SYNE2: variants seen among roughly 807,000 people sequenced by gnomAD.
SYNE2 encodes the protein nesprin-2.
Under a neutral mutation model 856.3 loss-of-function variants are expected in SYNE2, and 431 were observed. The observed-to-expected ratio is 0.50, with a 90% CI of 0.47 to 0.55. The LOEUF (loss-of-function observed/expected upper bound fraction) is 0.55, where lower values mean the gene tolerates loss of function less well. Among genes scored for constraint, SYNE2 ranks in the 20% least tolerant of loss-of-function variants. The pLI is 0.00. For synonymous variants in SYNE2, 2,923 were observed against 2,872.3 expected (o/e 1.02, Z -0.56); for missense variants, 8,129 against 8,023.2 (o/e 1.01, Z -0.50).
At chr14:63,948,672 A>ATT (rs2096075307) in intron 6 of SYNE2, among the ~76,000 whole-genome samples, 5 of 144,536 alleles carry the variant, frequency 3.5e-5, no homozygotes, top group Admixed American at 6.9e-5. Context: ...AAAAAAAAAA[A>ATT]ATTATATATA....
At chr14:63,978,072 CT>C in intron 13 of SYNE2, 55 bp downstream of exon 13, 1 of 1,134,284 alleles carries the variant, frequency 8.8e-7, no homozygotes, top group Non-Finnish European at 1.3e-6. Flanking sequence ...TGAGTAACAA[CT>C]GATACTACAG....
intron 1 of SYNE2, among the ~76,000 whole-genome samples, chr14:63,785,090 A>G (rs139499089): frequency 1.0e-3 from 153 of 152,252 alleles, no homozygotes; most frequent in African/African-American, 3.5e-3. Flanking sequence ...CTATTCCTCA[A>G]ATGTTTTATT....
Position 64,162,091 on chromosome 14 carries a change from G to C in SYNE2, c.16114G>C (p.Ala5372Pro). The C allele has an allele frequency of 6.2e-7, 1 of 1,614,208 alleles. No homozygotes were observed. The highest frequency in any genetic ancestry group is 8.5e-7 in the Non-Finnish European group (1 of 1,180,032). Reference protein sequence around the residue: ...THKRWTQVNQAIADQLQKAQS... With the variant: ...THKRWTQVNQPIADQLQKAQS... ...TGACAGGTGGACTCAGGTGAACCAA[G>C]CCATTGCAGACCAGTTGCAGAAGGC... Residue 5372 changes from alanine (A) to proline (P), a missense_variant, in exon 88 of 116, where the codon GCC becomes CCC. By Grantham distance (27) the Ala-to-Pro change is conservative. Transcript: ENST00000555002.
chr14:63,941,838 T>C, intron 4 of SYNE2, 47 bp from the exon 5 acceptor site: 1 of 1,611,734 alleles, frequency 6.2e-7, no homozygotes, highest in South Asian at 1.1e-5. Flanking sequence ...ACTTAAAAAA[T>C]ATGTATTTCA....
At chr14:63,845,540 G>T (rs1485470849) in intron 1 of SYNE2, among the ~76,000 whole-genome samples, 3 of 151,486 alleles carry the variant, frequency 2.0e-5, no homozygotes, top group African/African-American at 7.3e-5. Context: ...TGATTAATTA[G>T]TGGTCTGTCA....
chr14:64,137,238 C>T (rs527801495), intron 78 of SYNE2, among the ~76,000 whole-genome samples: 18 of 152,250 alleles, frequency 1.2e-4, no homozygotes, highest in East Asian at 1.9e-4. Context: ...CTCGCTCTGT[C>T]GCTCAGGCTG....
At position 64,139,875 on chromosome 14, in the gene SYNE2, T is replaced by C. The variant is rs537933988; in HGVS notation, c.14844-66T>C. 1.6e-4 allele frequency: 240 copies of C among 1,546,194 alleles called. 1 individual carries two copies. The highest frequency in any genetic ancestry group is 8.5e-4 in the Middle Eastern group (5 of 5,882). ...CATACAATAAAATAAGAAAATTTGC[T>C]GGTGATGCATATCATTATCAGAATA... On this transcript the variant is annotated intron_variant, in intron 79 of 115. Transcript: ENST00000555002.
chr14:63,771,162 C>A (rs1408058970), intron 1 of SYNE2, among the ~76,000 whole-genome samples: 1 of 151,400 alleles, frequency 6.6e-6, no homozygotes, highest in Non-Finnish European at 1.5e-5. Context: ...CTCCGCCTCC[C>A]GGGTTCACGC....
intron 1 of SYNE2, among the ~76,000 whole-genome samples, chr14:63,783,949 G>A (rs1257286780): frequency 6.6e-6 from 1 of 152,156 alleles, no homozygotes; most frequent in Non-Finnish European, 1.5e-5. Flanking sequence ...TTAAGAGAAT[G>A]TCTTTGTATT....
intron 52 of SYNE2, among the ~76,000 whole-genome samples, chr14:64,071,185 G>A (rs1595307769): frequency 6.6e-6 from 1 of 151,998 alleles, no homozygotes; most frequent in Non-Finnish European, 1.5e-5. Context: ...TTCTAGTTTA[G>A]TAATGCATAT....
At chr14:64,148,982 T>C (rs545452945) in intron 84 of SYNE2, among the ~76,000 whole-genome samples, 4 of 142,362 alleles carry the variant, frequency 2.8e-5, no homozygotes, top group African/African-American at 1.2e-4. Context: ...TTCTCTTTTT[T>C]TTTTTTTTTT....
intron 1 of SYNE2, among the ~76,000 whole-genome samples, chr14:63,904,931 A>C (rs979627118): frequency 6.6e-6 from 1 of 152,026 alleles, no homozygotes; most frequent in African/African-American, 2.4e-5. Context: ...GGATTTTTAT[A>C]GTTTGAGGTC....
intron 1 of SYNE2, among the ~76,000 whole-genome samples, chr14:63,855,498 T>C (rs1041109498): frequency 2.0e-5 from 3 of 152,172 alleles, no homozygotes; most frequent in Non-Finnish European, 4.4e-5. Context: ...TCTTGCTGCA[T>C]GAGGGCCTTT....
intron 32 of SYNE2, 88 bp downstream of exon 32, chr14:64,010,204 T>G (rs1049210889): frequency 2.8e-6 from 4 of 1,418,820 alleles, no homozygotes; most frequent in Middle Eastern, 1.9e-4. Flanking sequence ...AAGTCTTTTT[T>G]GAAACTTCGT....
At chr14:64,066,974 T>C (rs2097363054) in intron 51 of SYNE2, among the ~76,000 whole-genome samples, 1 of 152,252 alleles carries the variant, frequency 6.6e-6, no homozygotes, top group Non-Finnish European at 1.5e-5. Context: ...GCCCTGCGCT[T>C]AGTGGGCACT....
intron 65 of SYNE2, among the ~76,000 whole-genome samples, chr14:64,111,139 G>T (rs1343295001): frequency 6.6e-6 from 1 of 151,396 alleles, no homozygotes; most frequent in Non-Finnish European, 1.5e-5. Context: ...GCCGAGGCAG[G>T]AGGATCACCT....
rs376284473 is a variant in SYNE2 at position 64,167,193 on chromosome 14, T to C, written c.16606-40T>C. ...GGTTTTTTGTCATCTAGATATCTTA[T>C]TGGCATCCAAAAACCTGTACTTCAA... is the stretch of plus-strand genomic sequence containing the variant. On this transcript the variant is annotated intron_variant, in intron 90 of 115. Transcript: ENST00000555002. 1.9e-4 allele frequency: 301 copies of C among 1,613,328 alleles called. 4 individuals carry two copies. The South Asian group carries it at 2.8e-3, about 15-fold the overall frequency.
intron 14 of SYNE2, among the ~76,000 whole-genome samples, chr14:63,980,157 G>C (rs1374498713): frequency 6.6e-6 from 1 of 152,048 alleles, no homozygotes; most frequent in Non-Finnish European, 1.5e-5. Context: ...ACAGTAAATA[G>C]GAATTTTGAA....
intron 82 of SYNE2, among the ~76,000 whole-genome samples, chr14:64,143,091 C>T (rs927960199): frequency 7.9e-5 from 12 of 152,108 alleles, no homozygotes; most frequent in Non-Finnish European, 1.5e-4. Flanking sequence ...GTAAAATCTT[C>T]GAAAAGTCTA....
Sources: gnomAD v4.1 joint callset for allele counts (sites outside exome capture counted in the v4.1 genomes callset) on GRCh38, gnomAD v4.1.1 for gene constraint, MANE v1.5 for transcripts, NCBI Gene and HGNC (gene_info 2026-07-23, HGNC 2026-07-21) for gene names.